Variants in FBXL2 observed in about 807,000 individuals in gnomAD.
FBXL2 encodes the protein F-box and leucine rich repeat protein 2.
FBXL2 carries 38 observed loss-of-function variants against 69.2 expected under a neutral mutation model. The observed-to-expected ratio is 0.55, with a 90% CI of 0.42 to 0.72. The LOEUF (loss-of-function observed/expected upper bound fraction) is 0.72, where lower values mean the gene tolerates loss of function less well. FBXL2 is among the 30% of genes least tolerant of loss of function. FBXL2 has a pLI of 0.00. For missense variants in FBXL2, 354 were observed against 520.3 expected, an observed-to-expected ratio of 0.68 and a Z score of 3.11; for synonymous variants, 192 against 201.3, an observed-to-expected ratio of 0.95 and a Z score of 0.39.
chr3:33,389,812 G>C (rs2043686333), downstream of FBXL2: 1 of 153,836 alleles, frequency 6.5e-6, no homozygotes, highest in African/African-American at 2.4e-5. Context: ...AGAAGGTGCC[G>C]AGCCTCTTAC....
chr3:33,343,295 A>G lies in FBXL2; in HGVS notation c.66-15672A>G, dbSNP rs141559478. ...TTAATTTCTCTTATGCTACTTTGTT[A>G]CTAAACTTGAACATATATGCAGACA... On this transcript the variant is annotated intron_variant, in intron 2 of 14. Transcript: ENST00000484457. Among the ~76,000 whole-genome samples the G allele has an allele frequency of 2.6e-4, 39 of 152,256 alleles. No homozygotes were observed. The East Asian group carries it at 5.8e-3, about 23-fold the overall frequency.
chr3:33,382,118 G>A (rs2043105617), intron 13 of FBXL2, among the ~76,000 whole-genome samples: 1 of 152,052 alleles, frequency 6.6e-6, no homozygotes, highest in South Asian at 2.1e-4. Flanking sequence ...ATCCACTCAG[G>A]TCTCCTCTGC....
chr3:33,404,465 C>A (rs2044360714), downstream of FBXL2, among the ~76,000 whole-genome samples: 1 of 148,318 alleles, frequency 6.7e-6, no homozygotes, highest in African/African-American at 2.5e-5. Flanking sequence ...CTCCCAAAGC[C>A]AAGCTAAAGA....
the FBXL2 span, among the ~76,000 whole-genome samples, chr3:33,418,015 T>A: frequency 1.5e-4 from 23 of 152,310 alleles, no homozygotes; most frequent in Admixed American, 9.8e-4. Context: ...AACACCTGTA[T>A]GGGAAGAGAC....
At chr3:33,278,625 T>C (rs1292167723) in intron 1 of FBXL2, among the ~76,000 whole-genome samples, 1 of 151,712 alleles carries the variant, frequency 6.6e-6, no homozygotes, top group East Asian at 1.9e-4. Context: ...TGGTGGGAGG[T>C]GGATGGTGTC....
intron 2 of FBXL2, among the ~76,000 whole-genome samples, chr3:33,303,438 G>T (rs1024363427): frequency 4.6e-5 from 7 of 152,086 alleles, no homozygotes; most frequent in African/African-American, 1.7e-4. Context: ...CTTTAGTCTA[G>T]GTTGGGGTTA....
chr3:33,415,575 T>C, the FBXL2 span, among the ~76,000 whole-genome samples: 1 of 152,182 alleles, frequency 6.6e-6, no homozygotes, highest in Non-Finnish European at 1.5e-5. Flanking sequence ...CATTGTACCA[T>C]TCTCTTTACT....
chr3:33,403,123 C>T (rs886968805), intron 12 of FBXL2: 1 of 474,772 alleles, frequency 2.1e-6, no homozygotes, highest in Non-Finnish European at 3.8e-6. Context: ...TTAGAGAAGA[C>T]CTAAAGTGAT....
intron 12 of FBXL2, chr3:33,393,299 T>C (rs752168363): frequency 1.3e-6 from 2 of 1,588,412 alleles, no homozygotes; most frequent in South Asian, 2.3e-5. Context: ...GAAAAACAAA[T>C]GATTTGATTT....
the FBXL2 span, among the ~76,000 whole-genome samples, chr3:33,413,546 C>CAAAAA: frequency 1.8e-5 from 1 of 55,406 alleles, no homozygotes; most frequent in Admixed American, 1.7e-4. Context: ...GACTCCATCA[C>CAAAAA]AAAAAAAAAA....
upstream of FBXL2, chr3:33,277,327 C>G (rs976833877): frequency 2.2e-6 from 1 of 449,396 alleles, no homozygotes; most frequent in Admixed American, 4.4e-5. Context: ...GTTCCAGGGC[C>G]GGGGGCGAGG....
chr3:33,322,392 T>C (rs1200384517), intron 2 of FBXL2, among the ~76,000 whole-genome samples: 1 of 152,132 alleles, frequency 6.6e-6, no homozygotes, highest in Non-Finnish European at 1.5e-5. Context: ...AGGTGATGTT[T>C]ATAAAAATGT....
chr3:33,366,244 A>C (rs2041946091), intron 5 of FBXL2, among the ~76,000 whole-genome samples: 1 of 152,166 alleles, frequency 6.6e-6, no homozygotes. Context: ...AATTTTGTTA[A>C]AAAATTTTGC....
chr3:33,354,604 A>G (rs1162332996), intron 2 of FBXL2, among the ~76,000 whole-genome samples: 1 of 152,214 alleles, frequency 6.6e-6, no homozygotes. Flanking sequence ...GTCTGTAACA[A>G]AGGAATTATA....
intron 5 of FBXL2, among the ~76,000 whole-genome samples, chr3:33,370,251 A>G (rs965431343): frequency 7.2e-5 from 11 of 151,902 alleles, no homozygotes; most frequent in Non-Finnish European, 1.2e-4. Flanking sequence ...CGTCTCTACT[A>G]AAAATACAAA....
chr3:33,277,492 C>G lies in FBXL2; in HGVS notation c.-21C>G. 3 of 1,295,954 alleles carry G rather than the reference C, an allele frequency of 2.3e-6. No homozygotes were observed. The highest frequency in any genetic ancestry group is 2.0e-6 in the Non-Finnish European group (2 of 1,013,562). 80.3% of individuals were successfully genotyped at this position (1,295,954 alleles called of 1,614,324 possible). A position where few individuals can be genotyped will look rare whatever the true frequency, so the allele number is the denominator to read the frequency against. On this transcript the variant is annotated 5_prime_UTR_variant, in exon 1 of 15. Transcript: ENST00000484457. ...GCGCCGTGTGACTTCGGGCTGTGGG[C>G]TCGCTCGCGGCTCTTCGGCCATGGT... is the stretch of plus-strand genomic sequence containing the variant.
At chr3:33,356,858 C>T (rs940459728) in intron 2 of FBXL2, among the ~76,000 whole-genome samples, 12 of 152,184 alleles carry the variant, frequency 7.9e-5, no homozygotes, top group African/African-American at 2.2e-4. Flanking sequence ...GCCCACATAG[C>T]GGCTCACATC....
chr3:33,400,953 G>A (rs1244699726), intron 12 of FBXL2: 1 of 1,591,966 alleles, frequency 6.3e-7, no homozygotes, highest in Non-Finnish European at 8.5e-7. Context: ...TTAGGAGAAA[G>A]ATACTTACTT....
chr3:33,373,907 T>C lies in FBXL2; in HGVS notation c.643T>C (p.Leu215=), dbSNP rs1340498838. ...NYCHELVSLN[L]QSCSRITDEG... Reference sequence around the variant, plus strand: ...CTGCCATGAGCTTGTGAGCCTCAACTTGCAGTCCTGCTCAGTAAGTAGCGT... The same window carrying C: ...CTGCCATGAGCTTGTGAGCCTCAACCTGCAGTCCTGCTCAGTAAGTAGCGT... The change falls in exon 9 of 15, where the codon TTG becomes CTG. Residue 215 remains leucine (L), a synonymous_variant. Coordinates refer to ENST00000484457, the MANE Select transcript of FBXL2 (RefSeq NM_012157.5). 6.2e-7 allele frequency: 1 copy of C among 1,614,248 alleles called. No homozygotes were observed. The highest frequency in any genetic ancestry group is 1.3e-5 in the African/African-American group (1 of 75,070).
Sources: gnomAD v4.1 joint callset for allele counts (sites outside exome capture counted in the v4.1 genomes callset) on GRCh38, gnomAD v4.1.1 for gene constraint, MANE v1.5 for transcripts, NCBI Gene and HGNC (gene_info 2026-07-23, HGNC 2026-07-21) for gene names.